Variants in PITPNC1 observed in about 807,000 individuals in gnomAD.
PITPNC1 encodes cytoplasmic phosphatidylinositol transfer protein 1.
A neutral mutation model predicts 44.7 loss-of-function variants in PITPNC1; 18 were observed. The observed-to-expected ratio is 0.40, with a 90% CI of 0.28 to 0.60. The LOEUF (loss-of-function observed/expected upper bound fraction) is 0.60, where lower values mean the gene tolerates loss of function less well. Ranked by LOEUF, PITPNC1 falls within the 20% of genes least tolerant of loss-of-function variation. PITPNC1 has a pLI of 0.39. For synonymous variants in PITPNC1, 141 were observed against 149.6 expected (o/e 0.94, Z 0.42); for missense variants, 290 against 418.4 (o/e 0.69, Z 2.68).
intron 5 of PITPNC1, among the ~76,000 whole-genome samples, chr17:67,609,868 C>T (rs1346619831): frequency 6.6e-6 from 1 of 151,812 alleles, no homozygotes; most frequent in East Asian, 1.9e-4. Flanking sequence ...ATGGTTTTAC[C>T]TCTTAAATAT....
intron 1 of PITPNC1, among the ~76,000 whole-genome samples, chr17:67,452,737 C>T (rs1048788180): frequency 2.0e-5 from 3 of 152,304 alleles, no homozygotes; most frequent in South Asian, 2.1e-4. Context: ...CCACCCACCT[C>T]GGCCTCCCAA....
At chr17:67,512,519 A>C (rs1195627713) in intron 1 of PITPNC1, among the ~76,000 whole-genome samples, 2 of 151,566 alleles carry the variant, frequency 1.3e-5, no homozygotes, top group Non-Finnish European at 1.5e-5. Context: ...AAAAAAAAAA[A>C]AAAACAGCTG....
At chr17:67,429,809 CA>C (rs2038828720) in intron 1 of PITPNC1, among the ~76,000 whole-genome samples, 1 of 151,992 alleles carries the variant, frequency 6.6e-6, no homozygotes, top group Admixed American at 6.5e-5. Flanking sequence ...ATTTTCATGT[CA>C]AAATATCCTT....
chr17:67,608,824 CG>C (rs1419435495), intron 5 of PITPNC1, among the ~76,000 whole-genome samples: 1 of 151,710 alleles, frequency 6.6e-6, no homozygotes, highest in African/African-American at 2.4e-5. Context: ...CTTTGTCTCT[CG>C]TGACACTGAC....
chr17:67,546,062 C>T (rs182493242), intron 2 of PITPNC1, among the ~76,000 whole-genome samples: 22 of 151,246 alleles, frequency 1.5e-4, no homozygotes, highest in African/African-American at 5.1e-4. Context: ...GAGTGGTGTC[C>T]CGCGCCTGTA....
intron 2 of PITPNC1, among the ~76,000 whole-genome samples, chr17:67,544,042 G>T (rs2040644253): frequency 6.6e-6 from 1 of 152,146 alleles, no homozygotes; most frequent in South Asian, 2.1e-4. Context: ...GTAGAGACGG[G>T]GTTTTGCCAT....
intron 4 of PITPNC1, among the ~76,000 whole-genome samples, chr17:67,557,003 A>T (rs2040845846): frequency 6.6e-6 from 1 of 152,146 alleles, no homozygotes; most frequent in Admixed American, 6.5e-5. Context: ...ACCTGAAGGG[A>T]CAGTACAACT....
intron 1 of PITPNC1, among the ~76,000 whole-genome samples, chr17:67,524,038 C>G (rs1568025855): frequency 6.6e-6 from 1 of 152,050 alleles, no homozygotes; most frequent in Admixed American, 6.6e-5. Context: ...TCTTGAACTC[C>G]TGACCTCGTG....
chr17:67,386,977 G>A (rs1159995926), intron 1 of PITPNC1, among the ~76,000 whole-genome samples: 1 of 152,160 alleles, frequency 6.6e-6, no homozygotes, highest in Non-Finnish European at 1.5e-5. Context: ...GTTACAAGGA[G>A]GATGAGGCGC....
intron 1 of PITPNC1, among the ~76,000 whole-genome samples, chr17:67,415,489 T>C (rs1302106331): frequency 6.6e-6 from 1 of 152,220 alleles, no homozygotes; most frequent in African/African-American, 2.4e-5. Context: ...CTGGACTGAC[T>C]GTTCAGCCTC....
At chr17:67,541,468 T>TAA (rs1555664278) in intron 2 of PITPNC1, among the ~76,000 whole-genome samples, 1 of 149,488 alleles carries the variant, frequency 6.7e-6, no homozygotes, top group South Asian at 2.1e-4. Flanking sequence ...CAATTATACA[T>TAA]ACACACACAC....
intron 1 of PITPNC1, among the ~76,000 whole-genome samples, chr17:67,494,217 T>TCTTTCTTTCTTTCTTTCTTTC (rs1568012991): frequency 6.4e-5 from 2 of 31,366 alleles, no homozygotes; most frequent in Non-Finnish European, 1.2e-4. Flanking sequence ...TTCTTTCTTT[T>TCTTTCTTTCTTTCTTTCTTTC]TGAGACGTAG....
intron 1 of PITPNC1, among the ~76,000 whole-genome samples, chr17:67,378,751 G>C (rs892293605): frequency 1.3e-5 from 2 of 152,228 alleles, no homozygotes; most frequent in African/African-American, 2.4e-5. Context: ...CGCAGCTCCC[G>C]GCACGTCCGC....
At chr17:67,691,418 T>C (rs75465080) in intron 8 of PITPNC1, among the ~76,000 whole-genome samples, 3,399 of 152,324 alleles carry the variant, frequency 0.022, 121 homozygotes, top group African/African-American at 0.071. Flanking sequence ...CACTGTCTTA[T>C]TTGTTGAATT....
At chr17:67,594,809 A>G (rs552167730) in intron 5 of PITPNC1, among the ~76,000 whole-genome samples, 3 of 152,328 alleles carry the variant, frequency 2.0e-5, no homozygotes, top group Non-Finnish European at 4.4e-5. Context: ...AAGTCATGTT[A>G]CTTCACTTCC....
intron 6 of PITPNC1, among the ~76,000 whole-genome samples, chr17:67,662,831 G>A (rs2042368229): frequency 6.6e-6 from 1 of 152,122 alleles, no homozygotes; most frequent in Non-Finnish European, 1.5e-5. Flanking sequence ...AGTTATATGG[G>A]AATATTGTGT....
intron 4 of PITPNC1, among the ~76,000 whole-genome samples, chr17:67,573,409 G>A (rs1311246348): frequency 2.0e-5 from 3 of 152,074 alleles, no homozygotes; most frequent in Non-Finnish European, 4.4e-5. Context: ...GTGAACTGCT[G>A]CTCAGGATGG....
rs1325314974 is a variant in PITPNC1 at position 67,550,286 on chromosome 17, A to G, written c.198-1971A>G. Among the ~76,000 whole-genome samples, 4 of 152,028 alleles carry G rather than the reference A, an allele frequency of 2.6e-5. No homozygotes were observed. The East Asian group carries it at 7.7e-4, about 29-fold the overall frequency. Reference sequence around the variant, plus strand: ...CTAAGAGCAGGGGCCTTCATCTGACACTCACTCCACTTCCGGGGAACTTTG... The same window carrying G: ...CTAAGAGCAGGGGCCTTCATCTGACGCTCACTCCACTTCCGGGGAACTTTG... On this transcript the variant is annotated intron_variant, in intron 2 of 8. Coordinates refer to ENST00000581322, the MANE Select transcript of PITPNC1 (RefSeq NM_012417.4).
At chr17:67,621,152 G>C (rs1236611951) in intron 5 of PITPNC1, among the ~76,000 whole-genome samples, 1 of 143,504 alleles carries the variant, frequency 7.0e-6, no homozygotes, top group Non-Finnish European at 1.6e-5. Context: ...GCTGAATTTG[G>C]ACTACTAGAG....
Sources: allele counts gnomAD v4.1 joint callset (sites outside exome capture counted in the v4.1 genomes callset), GRCh38; gene constraint gnomAD v4.1.1; transcripts MANE v1.5; gene names NCBI Gene and HGNC (gene_info 2026-07-23, HGNC 2026-07-21).